Variants in SORD observed in about 807,000 individuals in gnomAD.
SORD encodes sorbitol dehydrogenase.
SORD carries 18 observed loss-of-function variants against 35.6 expected under a neutral mutation model. The ratio of observed to expected loss-of-function variants is 0.51; its 90% CI spans 0.35 to 0.75. The LOEUF (loss-of-function observed/expected upper bound fraction) is 0.75. SORD is among the 30% of genes least tolerant of loss of function. The pLI, the probability that SORD is intolerant of heterozygous loss-of-function variation, is 0.01. For synonymous variants in SORD, 106 were observed against 152.9 expected (o/e 0.69, Z 2.26); for missense variants, 250 against 390.2 (o/e 0.64, Z 3.03).
chr15:45,052,183 G>A (rs890668250), intron 3 of SORD, among the ~76,000 whole-genome samples: 9 of 152,184 alleles, frequency 5.9e-5, no homozygotes, highest in African/African-American at 1.9e-4. Flanking sequence ...TAAGTGGACT[G>A]TAGATCCTTC....
chr15:45,061,511 G>C (rs1192924877), intron 4 of SORD, among the ~76,000 whole-genome samples: 2 of 152,072 alleles, frequency 1.3e-5, no homozygotes, highest in African/African-American at 4.8e-5. Flanking sequence ...ACATCCTGGA[G>C]GGAATTCCTG....
chr15:45,056,908 C>A (rs1893226785), intron 3 of SORD, among the ~76,000 whole-genome samples: 1 of 152,178 alleles, frequency 6.6e-6, no homozygotes, highest in Admixed American at 6.5e-5. Flanking sequence ...GGAGCACTTA[C>A]AAGGCTGTGG....
intron 3 of SORD, among the ~76,000 whole-genome samples, chr15:45,059,704 T>C (rs1189881894): frequency 6.6e-6 from 1 of 152,174 alleles, no homozygotes; most frequent in Non-Finnish European, 1.5e-5. Context: ...CCTATGTTGC[T>C]CTTGAACTCC....
At chr15:45,026,840 G>A (rs74625019) in intron 1 of SORD, among the ~76,000 whole-genome samples, 26,111 of 140,770 alleles carry the variant, frequency 0.19, no homozygotes, top group African/African-American at 0.44. Context: ...ACCAGCCAGC[G>A]TCTGGGGCAG....
At chr15:45,070,332 G>A (rs897949018) in intron 7 of SORD, 1 of 152,208 alleles carries the variant, frequency 6.6e-6, no homozygotes, top group Admixed American at 6.5e-5. Flanking sequence ...CAGGTAGCGT[G>A]GGCTTCCTCC....
intron 3 of SORD, among the ~76,000 whole-genome samples, chr15:45,044,726 T>G (rs1038158562): frequency 1.2e-4 from 18 of 146,358 alleles, no homozygotes; most frequent in Non-Finnish European, 4.5e-5. Context: ...TTTGACGGAG[T>G]CTCGCTCTGT....
chr15:45,031,048 A>G (rs3784573), intron 1 of SORD, among the ~76,000 whole-genome samples: 31,191 of 150,736 alleles, frequency 0.21, 5 homozygotes, highest in African/African-American at 0.44. Context: ...AGGTCGGGGC[A>G]GCCATGGTGG....
Position 45,053,748 on chromosome 15 carries a change from C to T in SORD, c.266-7319C>T, listed in dbSNP as rs561931333. Among the ~76,000 whole-genome samples, 4 of 149,232 alleles carry T rather than the reference C, an allele frequency of 2.7e-5. No homozygotes were observed. In the East Asian group the frequency reaches 7.8e-4, roughly 29 times the overall value. On this transcript the variant is annotated intron_variant, in intron 3 of 8. Transcript: ENST00000267814. ...CATGCTGGTGTGCTGCACCCATTAA[C>T]TCATCATTTAGCATTAGGTATATCT... is the stretch of plus-strand genomic sequence containing the variant.
At chr15:45,065,162 C>T (rs1170109585) in intron 4 of SORD, 109 bp from the exon 5 acceptor site, 16 of 1,014,874 alleles carry the variant, frequency 1.6e-5, no homozygotes, top group Admixed American at 2.3e-5. Flanking sequence ...AATAAATGCT[C>T]GATAAATGCT....
intron 3 of SORD, among the ~76,000 whole-genome samples, chr15:45,046,217 G>C (rs546161453): frequency 1.3e-5 from 2 of 152,066 alleles, no homozygotes; most frequent in East Asian, 3.9e-4. Context: ...GAGGGAGTCA[G>C]AGGAGATAGA....
chr15:45,025,444 C>T (rs191793185), intron 1 of SORD, among the ~76,000 whole-genome samples: 2 of 152,078 alleles, frequency 1.3e-5, no homozygotes, highest in Non-Finnish European at 2.9e-5. Flanking sequence ...TTGAGACCAA[C>T]CTGGCCAACA....
chr15:45,050,721 AT>A lies in SORD; in HGVS notation c.265+7301del, dbSNP rs1893111648. Reference sequence around the variant, plus strand: ...CGCTGATGGAAACAACTATATTGCCATAAATCAAGAATACTCACAAATAGTT... The same window carrying A: ...CGCTGATGGAAACAACTATATTGCCAAAATCAAGAATACTCACAAATAGTT... On this transcript the variant is annotated intron_variant, in intron 3 of 8. Transcript: ENST00000267814. 2 of 152,232 alleles carry A rather than the reference AT, an allele frequency of 1.3e-5. 1 individual carries two copies. The highest frequency in any genetic ancestry group is 4.1e-4 in the South Asian group (2 of 4,832). 9.4% of individuals were successfully genotyped at this position (152,232 alleles called of 1,614,324 possible).
chr15:45,050,122 G>T (rs552010093), intron 3 of SORD, among the ~76,000 whole-genome samples: 1 of 152,048 alleles, frequency 6.6e-6, no homozygotes, highest in African/African-American at 2.4e-5. Flanking sequence ...TCGCACTCTC[G>T]CCCAGGCTGG....
chr15:45,034,652 GT>G (rs1236017915), intron 1 of SORD, among the ~76,000 whole-genome samples: 2 of 152,246 alleles, frequency 1.3e-5, no homozygotes, highest in Admixed American at 1.3e-4. Flanking sequence ...GGGATAGAAG[GT>G]GAGAGGTGAC....
In SORD at chr15:45,074,365, G is replaced by A. The variant is rs1292076251; in HGVS notation, c.*835G>A. 6.7e-6 allele frequency: 1 copy of A among 149,008 alleles called. No individual in the cohort carries two copies. The highest frequency in any genetic ancestry group is 2.6e-5 in the African/African-American group (1 of 38,552). The allele number at this position is 149,008 out of a possible 1,614,324, so 9.2% of individuals were successfully genotyped here. Reference sequence around the variant, plus strand: ...ACTTGTGGACCTCACCAGAGACCAGGAGGGTTTGGTTAGCTCACAGGACTT... The same window carrying A: ...ACTTGTGGACCTCACCAGAGACCAGAAGGGTTTGGTTAGCTCACAGGACTT... On this transcript the variant is annotated 3_prime_UTR_variant, in exon 9 of 9. Coordinates refer to ENST00000267814, the MANE Select transcript of SORD (RefSeq NM_003104.6).
intron 3 of SORD, among the ~76,000 whole-genome samples, chr15:45,047,436 C>T (rs1451634658): frequency 6.6e-6 from 1 of 152,194 alleles, no homozygotes; most frequent in Non-Finnish European, 1.5e-5. Context: ...ACAGTCAAAT[C>T]TCCACAGCTT....
chr15:45,035,463 C>CGG lies in SORD; in HGVS notation c.67-4945_67-4944insGG, dbSNP rs1555409087. 5.7e-3 allele frequency among the ~76,000 whole-genome samples: 864 copies of CGG among 151,744 alleles called. 9 individuals are homozygous for CGG. Among genetic ancestry groups the CGG allele is most frequent in the African/African-American group, 0.02 (830 of 41,074 alleles). ...AATCCACACTCTGTATCTAGCTAATCTGGGGGGGAGGTGGAAAACCTTTGT... is the reference window on the plus strand; with the variant it reads ...AATCCACACTCTGTATCTAGCTAATCGGTGGGGGGGAGGTGGAAAACCTTTGT... On this transcript the variant is annotated intron_variant, in intron 1 of 8. Transcript: ENST00000267814.
chr15:45,066,123 T>G (rs1893400656), intron 5 of SORD, among the ~76,000 whole-genome samples: 1 of 150,820 alleles, frequency 6.6e-6, no homozygotes, highest in Non-Finnish European at 1.5e-5. Context: ...GCACCCCCTG[T>G]AGTCCCAGCT....
intron 1 of SORD, among the ~76,000 whole-genome samples, chr15:45,035,232 G>A (rs1289870395): frequency 2.0e-5 from 3 of 152,172 alleles, no homozygotes; most frequent in African/African-American, 4.8e-5. Context: ...GCACGGTGCG[G>A]GACTGGCAAG....
Sources: allele counts gnomAD v4.1 joint callset (sites outside exome capture counted in the v4.1 genomes callset), GRCh38; gene constraint gnomAD v4.1.1; transcripts MANE v1.5; gene names NCBI Gene and HGNC (gene_info 2026-07-23, HGNC 2026-07-21).